Variants in RGL3 observed in about 807,000 individuals in gnomAD.
RGL3 encodes ral guanine nucleotide dissociation stimulator-like 3.
In RGL3, 85 loss-of-function variants were observed where a neutral mutation model predicts 90.6. That is an observed-to-expected ratio of 0.94 (90% CI 0.79 to 1.12). The LOEUF is 1.12. Among genes scored for constraint, RGL3 ranks in the 50% most tolerant of loss-of-function variants. The pLI is 0.00. For missense variants in RGL3, 1,034 were observed against 939.2 expected (o/e 1.10, Z -1.32); for synonymous variants, 408 against 385.5 (o/e 1.06, Z -0.68).
chr19:11,412,280 CAAA>C (rs35289278), intron 5 of RGL3, among the ~76,000 whole-genome samples: 5 of 65,600 alleles, frequency 7.6e-5, no homozygotes, highest in Non-Finnish European at 6.3e-5. Flanking sequence ...AACTCCGTCT[CAAA>C]AAAAAAAAAA....
intron 5 of RGL3, among the ~76,000 whole-genome samples, chr19:11,414,153 A>ATATATATATATATACACC (rs1968921447): frequency 1.2e-5 from 1 of 85,012 alleles, no homozygotes; most frequent in African/African-American, 4.4e-5. Context: ...ATATATATAT[A>ATATATATATATATACACC]TATATATATA....
At chr19:11,418,537 T>C (rs1183204442) in intron 2 of RGL3, 134 bp downstream of exon 2, 1 of 636,164 alleles carries the variant, frequency 1.6e-6, no homozygotes, top group East Asian at 3.1e-5. Flanking sequence ...TTCTACCTGG[T>C]CGCCTCATCT....
At chr19:11,400,355 A>G (rs2144719821) in intron 13 of RGL3, 58 bp from the exon 14 acceptor site, 2 of 1,442,650 alleles carry the variant, frequency 1.4e-6, no homozygotes, top group Non-Finnish European at 1.9e-6. Context: ...GGATGGAGAG[A>G]TAAGAGTTGG....
At chr19:11,397,406 C>T in intron 17 of RGL3, 39 bp downstream of exon 17, 2 of 1,588,676 alleles carry the variant, frequency 1.3e-6, no homozygotes, top group Non-Finnish European at 1.7e-6. Flanking sequence ...GCCCCAAGGG[C>T]AGGGCAGCCT....
Position 11,394,185 on chromosome 19 carries a change from T to C in RGL3, c.*217A>G, listed in dbSNP as rs528968242. On this transcript the variant is annotated 3_prime_UTR_variant, in exon 19 of 19. Transcript: ENST00000380456. ...CCCACCTCTTTCTACATTTATGGGA[T>C]TGAGCTCTCCACCAGCCACCCATGG... The C allele has an allele frequency of 1.9e-6, 1 of 529,154 alleles. No homozygotes were observed. Among genetic ancestry groups the C allele is most frequent in the Admixed American group, 3.2e-5 (1 of 31,128 alleles). The allele number at this position is 529,154 out of a possible 1,614,324, so 32.8% of individuals were successfully genotyped here. A position where few individuals can be genotyped will look rare whatever the true frequency, so the allele number is the denominator to read the frequency against.
intron 5 of RGL3, among the ~76,000 whole-genome samples, chr19:11,413,803 G>T (rs549416123): frequency 6.8e-6 from 1 of 147,806 alleles, no homozygotes; most frequent in African/African-American, 2.5e-5. Flanking sequence ...GAGTTCAGTG[G>T]CTTGATCTCA....
At position 11,406,475 on chromosome 19, in the gene RGL3, C is replaced by G. The variant is rs1384858234; in HGVS notation, c.940G>C (p.Gly314Arg). ...CVLGSVLGAP[G>R]LAAPQRAQRL... ...TGCGCCCTCTGCGGGGCGGCCAAGCCCGGTGCTCCGAGCACGGAACCCAGC... is the reference window on the plus strand; with the variant it reads ...TGCGCCCTCTGCGGGGCGGCCAAGCGCGGTGCTCCGAGCACGGAACCCAGC... The change falls in exon 7 of 19, where the codon GGC becomes CGC. Residue 314 changes from glycine to arginine, a missense_variant. Gly to Arg is a moderately radical substitution (Grantham distance 125). Transcript: ENST00000380456. 2.6e-6 allele frequency: 4 copies of G among 1,553,350 alleles called. No homozygotes were observed. The African/African-American group carries it at 5.4e-5, about 21-fold the overall frequency.
At chr19:11,401,325 C>T (rs1345053935) in intron 13 of RGL3, among the ~76,000 whole-genome samples, 1 of 151,072 alleles carries the variant, frequency 6.6e-6, no homozygotes, top group African/African-American at 2.4e-5. Context: ...GCCTCCCAGG[C>T]TCCAGCAATC....
intron 5 of RGL3, among the ~76,000 whole-genome samples, chr19:11,412,305 C>G (rs1277863464): frequency 6.7e-6 from 1 of 149,834 alleles, no homozygotes; most frequent in Non-Finnish European, 1.5e-5. Context: ...AAAAAGTAAG[C>G]CTGTTGTCAG....
chr19:11,407,018 C>G (rs1968796751), intron 5 of RGL3, 154 bp from the exon 6 acceptor site: 1 of 683,214 alleles, frequency 1.5e-6, no homozygotes, highest in Non-Finnish European at 2.4e-6. Context: ...GACAGTCTTA[C>G]TCTGTTGCCC....
chr19:11,397,137 T>A, intron 18 of RGL3, 107 bp downstream of exon 18: 2 of 880,132 alleles, frequency 2.3e-6, no homozygotes, highest in South Asian at 1.5e-5. Flanking sequence ...CTGAAGCACC[T>A]CACAGCCCTG....
chr19:11,418,577 G>A (rs1969044023), intron 2 of RGL3, 94 bp downstream of exon 2: 3 of 926,750 alleles, frequency 3.2e-6, no homozygotes, highest in Non-Finnish European at 4.6e-6. Context: ...CCTTCCTTCC[G>A]CCCACTGCAC....
intron 16 of RGL3, 43 bp from the exon 17 acceptor site, chr19:11,397,640 CA>C (rs770782869): frequency 1.4e-6 from 2 of 1,480,584 alleles, no homozygotes; most frequent in South Asian, 2.6e-5. Flanking sequence ...GGCCCATCTG[CA>C]GATGCTGAGG....
At chr19:11,413,278 G>A (rs1428951529) in intron 5 of RGL3, among the ~76,000 whole-genome samples, 1 of 150,166 alleles carries the variant, frequency 6.7e-6, no homozygotes, top group Non-Finnish European at 1.5e-5. Flanking sequence ...GCTCACGCCT[G>A]TAATCCCAGC....
chr19:11,399,781 A>G (rs1968638941), intron 16 of RGL3, 74 bp downstream of exon 16: 3 of 823,786 alleles, frequency 3.6e-6, no homozygotes, highest in South Asian at 2.0e-5. Context: ...ACACATGTGC[A>G]TGCACACACA....
chr19:11,394,128 T>C lies in RGL3; in HGVS notation c.*274A>G. 2.7e-6 allele frequency: 1 copy of C among 366,122 alleles called. No homozygotes were observed. Among genetic ancestry groups the C allele is most frequent in the Non-Finnish European group, 5.1e-6 (1 of 195,866 alleles). 22.7% of individuals were successfully genotyped at this position (366,122 alleles called of 1,614,324 possible). ...TGATGCGTCTCTAACATTTATAAGA[T>C]TTCTCTGGGGAGGGATTTGACGTAT... On this transcript the variant is annotated 3_prime_UTR_variant, in exon 19 of 19. Transcript: ENST00000380456.
In RGL3 at chr19:11,405,363, G is replaced by A; in HGVS notation, c.1060C>T (p.Pro354Ser). 6.2e-7 allele frequency: 1 copy of A among 1,612,476 alleles called. No individual in the cohort carries two copies. The highest frequency in any genetic ancestry group is 8.5e-7 in the Non-Finnish European group (1 of 1,179,440). Residue 354 changes from proline (P) to serine (S), a missense_variant, in exon 8 of 19, where the codon CCC becomes TCC. Transcript: ENST00000380456. The stretch of plus-strand genomic sequence containing the variant: ...CAGCTGCGCTTGAGCCGGTAGATGG[G>A]GTTAGATTGCAGGGCGGACAGGATG... ...RAILSALQSN[P>S]IYRLKRSWGA...
In RGL3 at chr19:11,406,818, G is replaced by A. The variant is rs1968792696; in HGVS notation, c.684C>T (p.Ala228=). 6.2e-7 allele frequency: 1 copy of A among 1,613,736 alleles called. No homozygotes were observed. Among genetic ancestry groups the A allele is most frequent in the Non-Finnish European group, 8.5e-7 (1 of 1,179,868 alleles). Residue 228 remains alanine, a synonymous_variant, in exon 6 of 19, where the codon GCC becomes GCT. Transcript: ENST00000380456. ...TGAGCCCTTCCTCTTCCTCCGCGCA[G>A]GCCTCTGAAGAGTCTGGGTCAGAAG... is the stretch of plus-strand genomic sequence containing the variant. ...AQTSDPDSSE[A]CAEEEEGLMP... is the part of the protein sequence containing the mutation.
chr19:11,394,789 G>A (rs1005117654), intron 18 of RGL3: 3 of 377,182 alleles, frequency 8.0e-6, no homozygotes, highest in African/African-American at 6.2e-5. Context: ...GCAACCTGCA[G>A]TAAAAGTTTG....
Sources: allele counts gnomAD v4.1 joint callset (sites outside exome capture counted in the v4.1 genomes callset), GRCh38; gene constraint gnomAD v4.1.1; transcripts MANE v1.5; gene names NCBI Gene and HGNC (gene_info 2026-07-23, HGNC 2026-07-21).